Variants in ABCC1 observed in about 807,000 individuals in gnomAD.
The protein encoded by ABCC1 is multidrug resistance-associated protein 1.
In ABCC1, 83 loss-of-function variants were observed where a neutral mutation model predicts 172.9. The observed-to-expected ratio is 0.48, with a 90% CI of 0.40 to 0.58. The LOEUF (loss-of-function observed/expected upper bound fraction) is 0.58, where lower values mean the gene tolerates loss of function less well. Ranked by LOEUF, ABCC1 falls within the 20% of genes least tolerant of loss-of-function variation. The probability of loss-of-function intolerance (pLI) is 0.00; values close to 1 mark genes in which losing one functional copy is unlikely to be tolerated. For missense variants in ABCC1, 1,817 were observed against 2,002.7 expected, an observed-to-expected ratio of 0.91 and a Z score of 1.77; for synonymous variants, 937 against 825.2, an observed-to-expected ratio of 1.14 and a Z score of -2.32.
chr16:16,005,349 AT>A (rs35956116), intron 1 of ABCC1, among the ~76,000 whole-genome samples: 6,585 of 139,762 alleles, frequency 0.047, 438 homozygotes, highest in African/African-American at 0.15. Flanking sequence ...AGATTTTCTG[AT>A]TTTTTTTTTT....
At chr16:15,985,856 C>T (rs768479812) in intron 1 of ABCC1, among the ~76,000 whole-genome samples, 4 of 152,106 alleles carry the variant, frequency 2.6e-5, no homozygotes, top group African/African-American at 7.2e-5. Flanking sequence ...GTGTTCTTTC[C>T]GGAAGCTTGC....
intron 19 of ABCC1, chr16:16,098,790 T>C (rs1056954641): frequency 1.2e-5 from 15 of 1,243,276 alleles, no homozygotes; most frequent in African/African-American, 1.5e-5. Flanking sequence ...AGACACTCCC[T>C]TCACTCCTTT....
At chr16:16,017,755 A>T (rs165974) in intron 5 of ABCC1, among the ~76,000 whole-genome samples, 22,765 of 151,986 alleles carry the variant, frequency 0.15, 2,067 homozygotes, top group East Asian at 0.37. Flanking sequence ...TGTGTTGCCC[A>T]GGCTCATGTG....
At chr16:16,092,744 CT>C (rs1380491476) in intron 19 of ABCC1, among the ~76,000 whole-genome samples, 5 of 152,182 alleles carry the variant, frequency 3.3e-5, no homozygotes, top group African/African-American at 1.2e-4. Context: ...AATCCCACCA[CT>C]TTGGGAGGCC....
In ABCC1 at chr16:16,142,455, C is replaced by G. The variant is rs576885536; in HGVS notation, c.*1174C>G. On this transcript the variant is annotated 3_prime_UTR_variant, in exon 31 of 31. Transcript: ENST00000399410. Reference sequence around the variant, plus strand: ...CCAGTGGGTACCAAAAAAATGTCCCCTTGAGTCTTTTCCTTGTTTTTAGAT... The same window carrying G: ...CCAGTGGGTACCAAAAAAATGTCCCGTTGAGTCTTTTCCTTGTTTTTAGAT... The G allele has an allele frequency of 6.6e-6, 1 of 152,306 alleles. No homozygotes were observed. Among genetic ancestry groups the G allele is most frequent in the African/African-American group, 2.4e-5 (1 of 41,558 alleles). 9.4% of individuals were successfully genotyped at this position (152,306 alleles called of 1,614,324 possible).
At chr16:15,986,732 G>A (rs182648761) in intron 1 of ABCC1, among the ~76,000 whole-genome samples, 2 of 152,172 alleles carry the variant, frequency 1.3e-5, no homozygotes, top group African/African-American at 4.8e-5. Context: ...GCCATGAAAG[G>A]TAAGAGACTC....
At chr16:16,058,242 C>T (rs1259040304) in intron 12 of ABCC1, among the ~76,000 whole-genome samples, 1 of 152,156 alleles carries the variant, frequency 6.6e-6, no homozygotes, top group Non-Finnish European at 1.5e-5. Flanking sequence ...CAGTTAAAAA[C>T]AGTTAATGGT....
chr16:15,970,960 T>C (rs1208487061), intron 1 of ABCC1, among the ~76,000 whole-genome samples: 2 of 152,212 alleles, frequency 1.3e-5, no homozygotes, highest in African/African-American at 2.4e-5. Flanking sequence ...TAATCACTTC[T>C]AGTCTGCCTT....
chr16:16,073,277 A>C (rs2151964373), intron 14 of ABCC1, among the ~76,000 whole-genome samples: 1 of 152,244 alleles, frequency 6.6e-6, no homozygotes, highest in Non-Finnish European at 1.5e-5. Context: ...AAGAACCAGC[A>C]TTCACACCCA....
chr16:16,136,393 C>A (rs2152163640), intron 28 of ABCC1, 85 bp from the exon 29 acceptor site: 2 of 1,477,762 alleles, frequency 1.4e-6, no homozygotes, highest in East Asian at 4.6e-5. Flanking sequence ...CTTCAACAGT[C>A]CTGGCCAGAA....
chr16:15,949,635 GCGCTAGCGCCAGCAGCCGGGCCCGATCAC>G lies in ABCC1; in HGVS notation c.-115_-87del, dbSNP rs2045814070. 1 of 162,384 alleles carries G rather than the reference GCGCTAGCGCCAGCAGCCGGGCCCGATCAC, an allele frequency of 6.2e-6. No individual in the cohort carries two copies. Among genetic ancestry groups the G allele is most frequent in the African/African-American group, 4.7e-5 (1 of 21,320 alleles). The allele number at this position is 162,384 out of a possible 1,614,324, so 10.1% of individuals were successfully genotyped here. ...TGCGCCGCCGCCGCCGCCGCCGCCA[GCGCTAGCGCCAGCAGCCGGGCCCGATCAC>G]CCGCCGCCCGGTGCCCGCCGCCGCC... On this transcript the variant is annotated 5_prime_UTR_variant, in exon 1 of 31. Coordinates refer to ENST00000399410, the MANE Select transcript of ABCC1 (RefSeq NM_004996.4).
At chr16:16,055,553 A>C (rs1369587039) in intron 11 of ABCC1, among the ~76,000 whole-genome samples, 1 of 151,562 alleles carries the variant, frequency 6.6e-6, no homozygotes, top group East Asian at 1.9e-4. Context: ...CCGTCACAAA[A>C]AAAAAAAGAA....
At chr16:16,130,635 T>C (rs962288435) in intron 26 of ABCC1, among the ~76,000 whole-genome samples, 3 of 152,194 alleles carry the variant, frequency 2.0e-5, no homozygotes, top group Non-Finnish European at 2.9e-5. Context: ...GGATAAGATA[T>C]ACCTCCACTT....
At chr16:16,028,523 G>A (rs2048452603) in intron 5 of ABCC1, among the ~76,000 whole-genome samples, 1 of 152,124 alleles carries the variant, frequency 6.6e-6, no homozygotes, top group Non-Finnish European at 1.5e-5. Context: ...TGGGCTGCAG[G>A]TGAAATGGAT....
chr16:15,992,826 G>A (rs545688685), intron 1 of ABCC1, among the ~76,000 whole-genome samples: 451 of 152,304 alleles, frequency 3.0e-3, no homozygotes, highest in African/African-American at 9.8e-3. Flanking sequence ...GATTGGCTAT[G>A]TGGTGGCCTT....
intron 1 of ABCC1, among the ~76,000 whole-genome samples, chr16:16,005,032 G>A (rs988349077): frequency 2.0e-5 from 3 of 149,064 alleles, no homozygotes; most frequent in African/African-American, 4.9e-5. Flanking sequence ...TTTTTTTTAA[G>A]TGAAGTGATC....
intron 13 of ABCC1, among the ~76,000 whole-genome samples, chr16:16,069,212 A>ATATG (rs1375302682): frequency 3.4e-4 from 44 of 130,136 alleles, no homozygotes; most frequent in African/African-American, 1.3e-3. Context: ...AAATAAATAA[A>ATATG]TATGTTTGAA....
Position 16,125,838 on chromosome 16 carries a change from G to C in ABCC1, c.3746G>C (p.Arg1249Pro). Reference protein sequence around the residue: ...QVTTYLNWLVRMSSEMETNIV... With the variant: ...QVTTYLNWLVPMSSEMETNIV... ...ACCACGTACTTGAACTGGCTGGTTC[G>C]GATGTCATCTGAAATGGAAACCAAC... The change falls in exon 26 of 31, where the codon CGG becomes CCG. Residue 1249 changes from arginine to proline, a missense_variant. Transcript: ENST00000399410. 6.2e-7 allele frequency: 1 copy of C among 1,613,966 alleles called. No individual in the cohort carries two copies. The highest frequency in any genetic ancestry group is 1.3e-5 in the African/African-American group (1 of 74,992).
At chr16:16,086,797 C>A in intron 17 of ABCC1, 27 bp from the exon 18 acceptor site, 1 of 1,609,400 alleles carries the variant, frequency 6.2e-7, no homozygotes, top group Non-Finnish European at 8.5e-7. Context: ...TCCCAGGAAA[C>A]CCACTCCTGT....
Sources: gnomAD v4.1 joint callset for allele counts (sites outside exome capture counted in the v4.1 genomes callset) on GRCh38, gnomAD v4.1.1 for gene constraint, MANE v1.5 for transcripts, NCBI Gene and HGNC (gene_info 2026-07-23, HGNC 2026-07-21) for gene names.